ABCB6: variants seen among roughly 807,000 people sequenced by gnomAD.
The protein encoded by ABCB6 is ATP binding cassette subfamily B member 6 (LAN blood group), also known as ATP-binding cassette sub-family B member 6.
A neutral mutation model predicts 99.4 loss-of-function variants in ABCB6; 87 were observed. The observed-to-expected ratio is 0.88, with a 90% CI of 0.74 to 1.05. The LOEUF (loss-of-function observed/expected upper bound fraction) is 1.05, where lower values mean the gene tolerates loss of function less well. Among genes scored for constraint, ABCB6 ranks in the 50% least tolerant of loss-of-function variants. ABCB6 has a pLI of 0.00. For synonymous variants in ABCB6, 482 were observed against 447.5 expected (o/e 1.08, Z -0.97); for missense variants, 1,050 against 1,097.9 (o/e 0.96, Z 0.62).
chr2:219,210,082 A>G (rs1306387250), intron 18 of ABCB6, 36 bp from the exon 19 acceptor site: 1 of 1,607,270 alleles, frequency 6.2e-7, no homozygotes, highest in Admixed American at 1.7e-5. Context: ...CCTAACCATT[A>G]GTTTTACCCC....
rs532205361 is a variant in ABCB6 at position 219,217,712 on chromosome 2, T to C, written c.645A>G (p.Thr215=). The C allele has an allele frequency of 7.4e-6, 12 of 1,613,122 alleles. No individual in the cohort carries two copies. The highest frequency in any genetic ancestry group is 1.0e-5 in the Non-Finnish European group (12 of 1,179,776). ...CTTGGTCCTCTTCATGAACCTGCAATGTATAGGACTGGGGACGAAGTCCAG... is the reference window on the plus strand; with the variant it reads ...CTTGGTCCTCTTCATGAACCTGCAACGTATAGGACTGGGGACGAAGTCCAG... The part of the protein sequence containing the change: ...WAPGLRPQSY[T]LQVHEEDQDV... Residue 215 remains threonine (T), a synonymous_variant, in exon 2 of 19, where the codon ACA becomes ACG. Coordinates refer to ENST00000265316, the MANE Select transcript of ABCB6 (RefSeq NM_005689.4).
rs182996670 is a variant in ABCB6 at position 219,214,758 on chromosome 2, G to A, written c.1276+203C>T. The stretch of plus-strand genomic sequence containing the variant: ...CCACGGCTCAGACTTAACGTGACAA[G>A]AATGTCCTTCCCCAGCCCCTCAGCT... On this transcript the variant is annotated intron_variant, in intron 6 of 18. Transcript: ENST00000265316. 10 of 654,430 alleles carry A rather than the reference G, an allele frequency of 1.5e-5. No homozygotes were observed. In the East Asian group the frequency reaches 1.9e-4, roughly 13 times the overall value. The allele number at this position is 654,430 out of a possible 1,614,324, so 40.5% of individuals were successfully genotyped here. A position where few individuals can be genotyped will look rare whatever the true frequency, so the allele number is the denominator to read the frequency against.
chr2:219,218,082 G>T (rs1950668759), intron 1 of ABCB6, 43 bp downstream of exon 1: 2 of 1,555,968 alleles, frequency 1.3e-6, no homozygotes, highest in African/African-American at 2.7e-5. Flanking sequence ...TTTCTCCCAA[G>T]CCCGGCCAGC....
Position 219,218,940 on chromosome 2 carries a change from A to G in ABCB6, c.-267T>C. 2.4e-6 allele frequency: 1 copy of G among 421,598 alleles called. No homozygotes were observed. Among genetic ancestry groups the G allele is most frequent in the Non-Finnish European group, 4.2e-6 (1 of 236,538 alleles). The allele number at this position is 421,598 out of a possible 1,614,324, so 26.1% of individuals were successfully genotyped here. ...CTCTGGGCCCGGGACCCTCCTGCCAACTGCAGGCCCACGGGAATGCTCGGT... is the reference window on the plus strand; with the variant it reads ...CTCTGGGCCCGGGACCCTCCTGCCAGCTGCAGGCCCACGGGAATGCTCGGT... On this transcript the variant is annotated 5_prime_UTR_variant, in exon 1 of 19. Coordinates refer to ENST00000265316, the MANE Select transcript of ABCB6 (RefSeq NM_005689.4).
In ABCB6 at chr2:219,216,665, G is replaced by A; in HGVS notation, c.855C>T (p.Phe285=). The change falls in exon 3 of 19, where the codon TTC becomes TTT. Residue 285 remains phenylalanine (F), a synonymous_variant. Coordinates refer to ENST00000265316, the MANE Select transcript of ABCB6 (RefSeq NM_005689.4). This position sits in a 1 kb window ranked among gnomAD's most constrained non-coding sequence, Gnocchi z 4.2. ...ERALNVLVPI[F]YRNIVNLLTE... The stretch of plus-strand genomic sequence containing the variant: ...CCTCCTGCTCACCAATGTTCCTATA[G>A]AATATAGGCACCAACACATTGAGTG... 1.3e-6 allele frequency: 2 copies of A among 1,561,212 alleles called. No individual in the cohort carries two copies. Among genetic ancestry groups the A allele is most frequent in the Middle Eastern group, 1.7e-4 (1 of 5,996 alleles).
chr2:219,211,076 T>TC lies in ABCB6; in HGVS notation c.2000dup (p.Val668SerfsTer10), dbSNP rs747972838. 6.2e-7 allele frequency: 1 copy of TC among 1,614,068 alleles called. No individual in the cohort carries two copies. Among genetic ancestry groups the TC allele is most frequent in the Non-Finnish European group, 8.5e-7 (1 of 1,180,010 alleles). On this transcript the variant is annotated frameshift_variant, in exon 15 of 19. Transcript: ENST00000265316. LOFTEE classifies it high-confidence loss of function. ...AGAGGACAGTGTCTTGGGGCACAAC[T>TC]CCAATGTGAGACCGGAGAGAGGCCT... is the stretch of plus-strand genomic sequence containing the variant.
chr2:219,213,622 GT>G lies in ABCB6; in HGVS notation c.1622del (p.Tyr541SerfsTer13). The G allele has an allele frequency of 6.2e-7, 1 of 1,614,186 alleles. No homozygotes were observed. The highest frequency in any genetic ancestry group is 1.1e-5 in the South Asian group (1 of 91,088). ...AGGTGCCAAACCAATTGAGGGGCAT[GT>G]ACAGCTGGATAATGTAGGTGCCAAA... is the stretch of plus-strand genomic sequence containing the variant. ...VLFGTYIIQL[Y>X]MPLNWFGTYY... On this transcript the variant is annotated frameshift_variant, in exon 10 of 19. Coordinates refer to ENST00000265316, the MANE Select transcript of ABCB6 (RefSeq NM_005689.4). LOFTEE classifies it high-confidence loss of function.
In ABCB6 at chr2:219,216,829, G is replaced by A. The variant is rs745417208; in HGVS notation, c.691C>T (p.Arg231Trp). ...EDQDVERSQV[R>W]SAAQQSTWRD... ...CAGGTAGACTGTTGGGCTGCTGACC[G>A]AACCTAGGATGGTGAAACACGTAGG... The change falls in exon 3 of 19, where the codon CGG (arginine) becomes TGG (tryptophan). Residue 231 changes from arginine to tryptophan, a missense_variant. Coordinates refer to ENST00000265316, the MANE Select transcript of ABCB6 (RefSeq NM_005689.4). This position sits in a 1 kb window ranked among gnomAD's most constrained non-coding sequence, Gnocchi z 4.2. 19 of 1,610,952 alleles carry A rather than the reference G, an allele frequency of 1.2e-5. No individual in the cohort carries two copies. Among genetic ancestry groups the A allele is most frequent in the Middle Eastern group, 1.6e-4 (1 of 6,082 alleles).
In ABCB6 at chr2:219,214,361, ACAC is replaced by A. The variant is rs764355940; in HGVS notation, c.1386+25_1386+27del. ...ACACTCCTCCACATCTCCACGCCTC[ACAC>A]CACTGCCACCGGGCCCTCTGTTACC... On this transcript the variant is annotated intron_variant, in intron 7 of 18. Coordinates refer to ENST00000265316, the MANE Select transcript of ABCB6 (RefSeq NM_005689.4). 4 of 1,586,964 alleles carry A rather than the reference ACAC, an allele frequency of 2.5e-6. No individual in the cohort carries two copies. The East Asian group carries it at 8.9e-5, about 35-fold the overall frequency.
intron 7 of ABCB6, 56 bp downstream of exon 7, chr2:219,214,333 G>T (rs1950613773): frequency 6.6e-7 from 1 of 1,525,336 alleles, no homozygotes; most frequent in East Asian, 2.2e-5. Flanking sequence ...AGTGGTCCTG[G>T]TTACACTCCT....
intron 2 of ABCB6, among the ~76,000 whole-genome samples, chr2:219,217,147 T>C (rs1950651648): frequency 6.6e-6 from 1 of 150,794 alleles, no homozygotes; most frequent in African/African-American, 2.4e-5. Flanking sequence ...TCACCTGAGG[T>C]CAGGAGTTCA....
Position 219,209,876 on chromosome 2 carries a change from A to T in ABCB6, c.*62T>A. On this transcript the variant is annotated 3_prime_UTR_variant, in exon 19 of 19. Coordinates refer to ENST00000265316, the MANE Select transcript of ABCB6 (RefSeq NM_005689.4). ...AAGACCAGGATGAAATAAGCCAGGG[A>T]AAGGAGACACATCTTATTCCCTTCT... 1 of 1,280,556 alleles carries T rather than the reference A, an allele frequency of 7.8e-7. No homozygotes were observed. Among genetic ancestry groups the T allele is most frequent in the South Asian group, 1.2e-5 (1 of 84,196 alleles). 79.3% of individuals were successfully genotyped at this position (1,280,556 alleles called of 1,614,324 possible).
At position 219,210,281 on chromosome 2, in the gene ABCB6, T is replaced by C. The variant is rs199955293; in HGVS notation, c.2369A>G (p.Asn790Ser). The C allele has an allele frequency of 3.0e-5, 48 of 1,614,094 alleles. No homozygotes were observed. The highest frequency in any genetic ancestry group is 1.6e-4 in the Middle Eastern group (1 of 6,084). The change falls in exon 18 of 19, where the codon AAT becomes AGT. Residue 790 changes from asparagine (N) to serine (S), a missense_variant. Coordinates refer to ENST00000265316, the MANE Select transcript of ABCB6 (RefSeq NM_005689.4). Reference protein sequence around the residue: ...VVAHRLSTVVNADQILVIKDG... With the variant: ...VVAHRLSTVVSADQILVIKDG... ...CTTGATGACGAGGATCTGGTCAGCA[T>C]TGACCACAGTTGAGAGCCTGAGAAG...
rs764674184 is a variant in ABCB6 at position 219,213,245 on chromosome 2, C to T, written c.1801G>A (p.Asp601Asn). ...GAAGCAAAAGGAAGGCCTCACCCAT[C>T]GGCATAGCTGAAGTGCACGTTCTCA... ...EFENVHFSYA[D>N]GRETLQDVSF... Residue 601 changes from aspartate (D) to asparagine (N), a missense_variant, in exon 12 of 19, where the codon GAT becomes AAT. Coordinates refer to ENST00000265316, the MANE Select transcript of ABCB6 (RefSeq NM_005689.4). The T allele has an allele frequency of 2.2e-5, 36 of 1,614,044 alleles. No individual in the cohort carries two copies. The highest frequency in any genetic ancestry group is 1.1e-4 in the East Asian group (5 of 44,888).
rs1468980667 is a variant in ABCB6, at chr2:219,211,120, A to C, written c.1969-12T>G. ...GAGGCCTGGGTCACCTAGGGCCAAA[A>C]GACCACACACTCTGCCTTATGAGAT... On this transcript the variant is annotated splice_polypyrimidine_tract_variant and intron_variant, in intron 14 of 18. Coordinates refer to ENST00000265316, the MANE Select transcript of ABCB6 (RefSeq NM_005689.4). The C allele has an allele frequency of 6.2e-7, 1 of 1,613,748 alleles. No individual in the cohort carries two copies. The highest frequency in any genetic ancestry group is 8.5e-7 in the Non-Finnish European group (1 of 1,179,962).
intron 13 of ABCB6, 31 bp from the exon 14 acceptor site, chr2:219,212,522 G>T (rs1950591503): frequency 1.9e-6 from 3 of 1,577,800 alleles, no homozygotes; most frequent in Admixed American, 1.7e-5. Flanking sequence ...AAAATCTCAG[G>T]CCCACTGGCT....
intron 1 of ABCB6, 37 bp from the exon 2 acceptor site, chr2:219,217,844 G>A (rs753481561): frequency 5.1e-6 from 8 of 1,576,356 alleles, no homozygotes; most frequent in African/African-American, 2.7e-5. Context: ...TATCATTGAG[G>A]ATAAAATTTC....
chr2:219,210,860 G>C, intron 15 of ABCB6, 37 bp from the exon 16 acceptor site: 1 of 1,613,250 alleles, frequency 6.2e-7, no homozygotes, highest in Non-Finnish European at 8.5e-7. Context: ...CTTACGAAAC[G>C]GAGGGAACAG....
At chr2:219,215,716 G>A (rs1950630487) in intron 5 of ABCB6, 1 of 291,264 alleles carries the variant, frequency 3.4e-6, no homozygotes. Flanking sequence ...ACTCCAGCCT[G>A]GGTGACAGAG....
Sources: allele counts gnomAD v4.1 joint callset (sites outside exome capture counted in the v4.1 genomes callset), GRCh38; gene constraint gnomAD v4.1.1; non-coding constraint Gnocchi (gnomAD v3.1); transcripts MANE v1.5; gene names NCBI Gene and HGNC (gene_info 2026-07-23, HGNC 2026-07-21).